The following CCDC7 variants were observed in gnomAD, a reference collection of about 807,000 sequenced individuals.
CCDC7 encodes coiled-coil domain-containing protein 7.
In CCDC7, 183 loss-of-function variants were observed where a neutral mutation model predicts 196.9. That is an observed-to-expected ratio of 0.93 (90% CI 0.82 to 1.05). The LOEUF is 1.05. CCDC7 is among the 50% of genes least tolerant of loss of function. CCDC7 has a pLI of 0.00. For missense variants in CCDC7, 1,540 were observed against 1,482.2 expected, an observed-to-expected ratio of 1.04 and a Z score of -0.64; for synonymous variants, 525 against 484.6, an observed-to-expected ratio of 1.08 and a Z score of -1.10.
chr10:32,659,858 A>C (rs2070864200), intron 20 of CCDC7, among the ~76,000 whole-genome samples: 1 of 152,220 alleles, frequency 6.6e-6, no homozygotes, highest in Non-Finnish European at 1.5e-5. Flanking sequence ...GAAAAGGAAC[A>C]CTTATACACA....
In CCDC7 at chr10:32,691,224, G is replaced by A. The variant is rs548787100; in HGVS notation, c.2344+2061G>A. 1.2e-4 allele frequency among the ~76,000 whole-genome samples: 18 copies of A among 152,264 alleles called. No homozygotes were observed. The South Asian group carries it at 3.7e-3, about 32-fold the overall frequency. On this transcript the variant is annotated intron_variant, in intron 23 of 41. Coordinates refer to ENST00000639629, the Ensembl canonical transcript of CCDC7. ...TTTCAATATCACTGGGAGGTGCAAA[G>A]GGAAGAGCACTTTTATTAGTCATGG...
At chr10:32,650,690 A>G (rs780402153) in intron 20 of CCDC7, among the ~76,000 whole-genome samples, 61 of 151,972 alleles carry the variant, frequency 4.0e-4, no homozygotes, top group Non-Finnish European at 5.3e-4. Context: ...TTCAAGTACC[A>G]AGCACAAATC....
intron 9 of CCDC7, among the ~76,000 whole-genome samples, chr10:32,495,530 C>A (rs533202220): frequency 2.6e-5 from 4 of 152,096 alleles, no homozygotes; most frequent in African/African-American, 4.8e-5. Context: ...TTAGGTCTTA[C>A]GTTTAAGTGT....
At chr10:32,643,577 T>A (rs951858920) in intron 20 of CCDC7, among the ~76,000 whole-genome samples, 1 of 152,046 alleles carries the variant, frequency 6.6e-6, no homozygotes, top group African/African-American at 2.4e-5. Context: ...AATCCATGTT[T>A]ACTTCTCTTT....
At chr10:32,468,828 A>T (rs1276739411) in intron 5 of CCDC7, among the ~76,000 whole-genome samples, 1 of 152,224 alleles carries the variant, frequency 6.6e-6, no homozygotes, top group African/African-American at 2.4e-5. Context: ...ATCTTGTGAT[A>T]ATCTTTTTAC....
intron 31 of CCDC7, among the ~76,000 whole-genome samples, chr10:32,814,907 G>A (rs1020536796): frequency 6.6e-6 from 1 of 152,158 alleles, no homozygotes; most frequent in Non-Finnish European, 1.5e-5. Context: ...GACATTCAAA[G>A]AGTGCCCTGC....
chr10:32,696,927 T>A (rs924395606), intron 24 of CCDC7, among the ~76,000 whole-genome samples: 7 of 152,192 alleles, frequency 4.6e-5, no homozygotes, highest in Admixed American at 4.6e-4. Context: ...GTCCTCAACC[T>A]TTTTGCACCA....
chr10:32,601,542 G>A (rs1431746099), intron 18 of CCDC7, among the ~76,000 whole-genome samples: 5 of 152,154 alleles, frequency 3.3e-5, no homozygotes, highest in Non-Finnish European at 7.3e-5. Context: ...ACATTGAGAG[G>A]TGAAGCCAGC....
At chr10:32,828,467 G>GAAGAAGAAGAAGAAGAAGAA (rs1555179415) in intron 32 of CCDC7, among the ~76,000 whole-genome samples, 5 of 49,052 alleles carry the variant, frequency 1.0e-4, no homozygotes, top group East Asian at 9.6e-4. Context: ...AAGAAGAAGA[G>GAAGAAGAAGAAGAAGAAGAA]GAAGAGGAAG....
chr10:32,695,762 T>C (rs1404502120), intron 24 of CCDC7, among the ~76,000 whole-genome samples: 2 of 152,184 alleles, frequency 1.3e-5, no homozygotes, highest in Non-Finnish European at 2.9e-5. Context: ...CTGATCTTGA[T>C]CATCTTTGTG....
chr10:32,510,677 T>G (rs1390573485), intron 9 of CCDC7, among the ~76,000 whole-genome samples: 1 of 152,144 alleles, frequency 6.6e-6, no homozygotes, highest in Non-Finnish European at 1.5e-5. Context: ...CATGCCAAAA[T>G]TCATCCATCA....
At chr10:32,617,779 G>T (rs2062939648) in intron 18 of CCDC7, among the ~76,000 whole-genome samples, 1 of 147,624 alleles carries the variant, frequency 6.8e-6, no homozygotes, top group Non-Finnish European at 1.5e-5. Flanking sequence ...TTGCTTGGTA[G>T]AGTGTTCTGT....
At chr10:32,599,136 C>T (rs1032080814) in intron 18 of CCDC7, among the ~76,000 whole-genome samples, 3 of 152,256 alleles carry the variant, frequency 2.0e-5, no homozygotes, top group South Asian at 4.1e-4. Flanking sequence ...CTGCTTGATT[C>T]GTTGACCCTT....
intron 13 of CCDC7, among the ~76,000 whole-genome samples, chr10:32,560,081 GA>G (rs1357433148): frequency 2.6e-5 from 4 of 152,198 alleles, no homozygotes; most frequent in African/African-American, 9.6e-5. Flanking sequence ...AGTGATGGAA[GA>G]TGAAATGAAT....
chr10:32,451,420 C>G (rs1017384040), upstream of CCDC7, among the ~76,000 whole-genome samples: 4 of 152,124 alleles, frequency 2.6e-5, no homozygotes, highest in African/African-American at 9.7e-5. Flanking sequence ...TATATTTCTT[C>G]GTTTTGTTTA....
intron 13 of CCDC7, among the ~76,000 whole-genome samples, chr10:32,550,370 C>A (rs778590741): frequency 3.3e-5 from 5 of 152,130 alleles, no homozygotes; most frequent in Non-Finnish European, 7.4e-5. Flanking sequence ...AGTTTGACTA[C>A]TTCTTTACTG....
chr10:32,845,798 C>CACAT (rs1593385655), intron 35 of CCDC7, 78 bp from the exon 37 acceptor site: 11 of 684,646 alleles, frequency 1.6e-5, no homozygotes, highest in Admixed American at 3.0e-5. Flanking sequence ...CACACACATA[C>CACAT]ACACACACAC....
chr10:32,603,006 T>C (rs1162613236), intron 18 of CCDC7, among the ~76,000 whole-genome samples: 3 of 152,224 alleles, frequency 2.0e-5, no homozygotes, highest in African/African-American at 7.2e-5. Flanking sequence ...TAAAATATTT[T>C]GTTAATATAG....
exon 39 of CCDC7, chr10:32,848,677 T>C (rs1312730603): frequency 1.3e-6 from 2 of 1,554,226 alleles, no homozygotes; most frequent in Admixed American, 3.3e-5. Context: ...CCAAGTAAAT[T>C]CCCAACAAAA....
Sources: allele counts gnomAD v4.1 joint callset (sites outside exome capture counted in the v4.1 genomes callset), GRCh38; gene constraint gnomAD v4.1.1; transcripts MANE v1.5; gene names NCBI Gene and HGNC (gene_info 2026-07-23, HGNC 2026-07-21).